MPRIP: variants seen among roughly 807,000 people sequenced by gnomAD.
MPRIP encodes the protein myosin phosphatase Rho-interacting protein.
Under a neutral mutation model 234.9 loss-of-function variants are expected in MPRIP, and 59 were observed. That is an observed-to-expected ratio of 0.25 (90% confidence interval 0.20 to 0.31). MPRIP has a LOEUF of 0.31. Ranked by LOEUF, MPRIP falls within the 10% of genes least tolerant of loss-of-function variation. The probability of loss-of-function intolerance (pLI) is 1.00; values close to 1 mark genes in which losing one functional copy is unlikely to be tolerated. For synonymous variants in MPRIP, 1,144 were observed against 1,263.9 expected, an observed-to-expected ratio of 0.91 and a Z score of 2.01; for missense variants, 2,436 against 3,071.0, an observed-to-expected ratio of 0.79 and a Z score of 4.89.
intron 3 of MPRIP, among the ~76,000 whole-genome samples, chr17:17,110,303 A>G (rs113891816): frequency 1.3e-4 from 20 of 152,318 alleles, no homozygotes; most frequent in African/African-American, 4.6e-4. Context: ...TTGTGAGCCA[A>G]ATAACCCTCT....
intron 1 of MPRIP, among the ~76,000 whole-genome samples, chr17:17,061,427 T>G (rs918373273): frequency 6.6e-5 from 10 of 152,198 alleles, no homozygotes; most frequent in Non-Finnish European, 1.5e-4. Context: ...CAGACACCTT[T>G]TTGGGAAAAA....
rs982110595 is a variant in MPRIP, at chr17:17,107,065, A to C, written c.268-19637A>C. Among the ~76,000 whole-genome samples the C allele has an allele frequency of 4.9e-4, 74 of 152,234 alleles. 2 individuals are homozygous for C. The highest frequency in any genetic ancestry group is 1.0e-4 in the Non-Finnish European group (7 of 68,046). ...TTAATGTCATACCCCTTTCTCAAGG[A>C]AAGTTTTATCTACAACACATTTGGT... On this transcript the variant is annotated intron_variant, in intron 3 of 23. Transcript: ENST00000651222.
chr17:17,164,435 G>T lies in MPRIP; in HGVS notation c.2844G>T (p.Leu948=). The change falls in exon 16 of 24, where the codon CTG becomes CTT. Residue 948 remains leucine, a synonymous_variant. Transcript: ENST00000651222. The stretch of plus-strand genomic sequence containing the variant: ...AGCGGCAACACAGCGAGGCGGCGCT[G>T]AGCAGCCAGCTGAGGGCTAGCGAGC... ...LEERQHSEAA[L]SSQLRASEQK... is the part of the protein sequence containing the mutation. 7.9e-7 allele frequency: 1 copy of T among 1,262,766 alleles called. No individual in the cohort carries two copies. The highest frequency in any genetic ancestry group is 1.0e-6 in the Non-Finnish European group (1 of 973,760). 78.2% of individuals were successfully genotyped at this position (1,262,766 alleles called of 1,614,324 possible).
chr17:17,164,276 C>G lies in MPRIP; in HGVS notation c.2685C>G (p.His895Gln). 2 of 1,304,248 alleles carry G rather than the reference C, an allele frequency of 1.5e-6. No individual in the cohort carries two copies. The highest frequency in any genetic ancestry group is 2.0e-6 in the Non-Finnish European group (2 of 988,974). The allele number at this position is 1,304,248 out of a possible 1,614,324, so 80.8% of individuals were successfully genotyped here. A position where few individuals can be genotyped will look rare whatever the true frequency, so the allele number is the denominator to read the frequency against. ...YGEAKDTIRHHEAEIRSLQAR... is the reference protein window; with the variant it reads ...YGEAKDTIRHQEAEIRSLQAR... The stretch of plus-strand genomic sequence containing the variant: ...AGGCCAAGGACACGATCCGGCACCA[C>G]GAGGCTGAGATCCGGAGCCTTCAGG... Residue 895 changes from histidine (H) to glutamine (Q), a missense_variant, in exon 16 of 24, where the codon CAC (histidine) becomes CAG (glutamine). Around this residue, in one of 4 missense-constraint regions of MPRIP, gnomAD observed 1,998 missense variants for 2,520.3 expected, o/e 0.79. Coordinates refer to ENST00000651222, the MANE Select transcript of MPRIP (RefSeq NM_001364716.4).
At chr17:17,080,384 GC>G (rs1448704183) in intron 3 of MPRIP, among the ~76,000 whole-genome samples, 1 of 152,250 alleles carries the variant, frequency 6.6e-6, no homozygotes, top group Non-Finnish European at 1.5e-5. Context: ...ACCGCCCTGA[GC>G]TGAGAGTCCC....
intron 3 of MPRIP, among the ~76,000 whole-genome samples, chr17:17,102,609 A>G (rs2089985887): frequency 6.6e-6 from 1 of 152,112 alleles, no homozygotes; most frequent in Admixed American, 6.5e-5. Context: ...TTAAGGAGGT[A>G]GTGAGATGGC....
intron 7 of MPRIP, among the ~76,000 whole-genome samples, chr17:17,140,729 C>A (rs149240183): frequency 6.6e-6 from 1 of 152,312 alleles, no homozygotes; most frequent in East Asian, 1.9e-4. Flanking sequence ...CCTCAGACTT[C>A]CAGAGTGTTT....
At chr17:17,152,990 C>T (rs974870420) in intron 12 of MPRIP, among the ~76,000 whole-genome samples, 36 of 152,120 alleles carry the variant, frequency 2.4e-4, no homozygotes, top group African/African-American at 6.8e-4. Flanking sequence ...ATTAGGCAGC[C>T]GCTGGGAAAG....
In MPRIP at chr17:17,164,736, G is replaced by C; in HGVS notation, c.3145G>C (p.Ala1049Pro). Residue 1049 changes from alanine (A) to proline (P), a missense_variant, in exon 16 of 24, where the codon GCC becomes CCC. Physicochemically the swap from Ala to Pro is conservative, Grantham distance 27 (BLOSUM62 -1). Coordinates refer to ENST00000651222, the MANE Select transcript of MPRIP (RefSeq NM_001364716.4). The stretch of plus-strand genomic sequence containing the variant: ...AAAGGAAGTGGAAGACAAGGCCAGC[G>C]CCTATGAGGACCAGCTGCAGGGTCA... ...NLKEVEDKAS[A>P]YEDQLQGQAQ... The C allele has an allele frequency of 7.7e-7, 1 of 1,301,984 alleles. No individual in the cohort carries two copies. The highest frequency in any genetic ancestry group is 1.0e-6 in the Non-Finnish European group (1 of 988,194). 80.7% of individuals were successfully genotyped at this position (1,301,984 alleles called of 1,614,324 possible). A position where few individuals can be genotyped will look rare whatever the true frequency, so the allele number is the denominator to read the frequency against.
At chr17:17,064,080 G>T (rs2088946391) in intron 1 of MPRIP, among the ~76,000 whole-genome samples, 1 of 152,210 alleles carries the variant, frequency 6.6e-6, no homozygotes, top group South Asian at 2.1e-4. Context: ...AGCATACGCG[G>T]TGCAGCTCAG....
intron 3 of MPRIP, among the ~76,000 whole-genome samples, chr17:17,114,532 A>G (rs967799792): frequency 4.6e-5 from 7 of 151,870 alleles, no homozygotes; most frequent in South Asian, 2.1e-4. Context: ...TGTGCATTTT[A>G]TAGCCTTTGT....
At chr17:17,077,749 T>C in intron 2 of MPRIP, 2 of 349,654 alleles carry the variant, frequency 5.7e-6, no homozygotes, top group South Asian at 6.6e-5. Context: ...AGCTTCCAAG[T>C]GTTAAAAAAA....
At chr17:17,113,392 A>G (rs1467081135) in intron 3 of MPRIP, among the ~76,000 whole-genome samples, 2 of 152,256 alleles carry the variant, frequency 1.3e-5, no homozygotes, top group Non-Finnish European at 2.9e-5. Flanking sequence ...GGAATCATAC[A>G]GTATCTATCC....
intron 11 of MPRIP, among the ~76,000 whole-genome samples, chr17:17,148,632 G>A (rs917743591): frequency 1.3e-5 from 2 of 152,130 alleles, no homozygotes; most frequent in African/African-American, 2.4e-5. Flanking sequence ...AGTAAGCATC[G>A]CCTGGCTGCA....
At chr17:17,075,258 C>G (rs1170956275) in intron 1 of MPRIP, among the ~76,000 whole-genome samples, 1 of 152,216 alleles carries the variant, frequency 6.6e-6, no homozygotes, top group African/African-American at 2.4e-5. Flanking sequence ...ATTCTTTGGC[C>G]AGAGCTGGCT....
intron 20 of MPRIP, among the ~76,000 whole-genome samples, chr17:17,176,165 G>A (rs2046249240): frequency 6.6e-6 from 1 of 152,214 alleles, no homozygotes; most frequent in Non-Finnish European, 1.5e-5. Context: ...GAGACAAGCA[G>A]GTCTAGTTCA....
Position 17,175,349 on chromosome 17 carries a change from G to T in MPRIP, c.6807G>T (p.Gly2269=). 1 of 1,613,524 alleles carries T rather than the reference G, an allele frequency of 6.2e-7. No homozygotes were observed. The highest frequency in any genetic ancestry group is 8.5e-7 in the Non-Finnish European group (1 of 1,180,010). The stretch of plus-strand genomic sequence containing the variant: ...CACGGTTGCGGACGCTGCTGACTGG[G>T]GACGGCGGTGGGGAGGCCACTGGGT... The part of the protein sequence containing the change: ...EITRLRTLLT[G]DGGGEATGSP... The change falls in exon 20 of 24, where the codon GGG becomes GGT. Residue 2269 remains glycine, a synonymous_variant. Transcript: ENST00000651222.
chr17:17,183,931 A>G (rs2046423588), intron 23 of MPRIP, among the ~76,000 whole-genome samples: 1 of 152,236 alleles, frequency 6.6e-6, no homozygotes. Flanking sequence ...AGCTCTGGCA[A>G]GGGTAAGCCA....
At position 17,167,696 on chromosome 17, in the gene MPRIP, C is replaced by T. The variant is rs776001089; in HGVS notation, c.6105C>T (p.Leu2035=). Residue 2035 remains leucine (L), a synonymous_variant, in exon 16 of 24, where the codon CTC becomes CTT. Coordinates refer to ENST00000651222, the MANE Select transcript of MPRIP (RefSeq NM_001364716.4). This position sits in a 1 kb window ranked among gnomAD's most constrained non-coding sequence, Gnocchi z 5.9. ...GCCTGAGGTGCCTTCAGGACACCCTCTGCCTCCACCAGGGGCCACACCCCA... is the reference window on the plus strand; with the variant it reads ...GCCTGAGGTGCCTTCAGGACACCCTTTGCCTCCACCAGGGGCCACACCCCA... ...SQSLRCLQDT[L]CLHQGPHPKA... 1 of 1,304,202 alleles carries T rather than the reference C, an allele frequency of 7.7e-7. No individual in the cohort carries two copies. The allele number at this position is 1,304,202 out of a possible 1,614,324, so 80.8% of individuals were successfully genotyped here.
Sources: allele counts gnomAD v4.1 joint callset (sites outside exome capture counted in the v4.1 genomes callset), GRCh38; gene constraint gnomAD v4.1.1; regional missense constraint gnomAD v4.1.1; non-coding constraint Gnocchi (gnomAD v3.1); transcripts MANE v1.5; gene names NCBI Gene and HGNC (gene_info 2026-07-23, HGNC 2026-07-21).